Variants in RBFOX3 observed in about 807,000 individuals in gnomAD.
RBFOX3 encodes RNA binding fox-1 homolog 3.
A neutral mutation model predicts 48.7 loss-of-function variants in RBFOX3; 17 were observed. The observed-to-expected ratio is 0.35, with a 90% CI of 0.24 to 0.52. RBFOX3 has a LOEUF of 0.52. Ranked by LOEUF, RBFOX3 falls within the 20% of genes least tolerant of loss-of-function variation. The pLI, the probability that RBFOX3 is intolerant of heterozygous loss-of-function variation, is 0.94. For synonymous variants in RBFOX3, 212 were observed against 209.5 expected (o/e 1.01, Z -0.10); for missense variants, 382 against 497.5 (o/e 0.77, Z 2.21).
At chr17:79,384,202 G>A (rs1368828743) in intron 2 of RBFOX3, among the ~76,000 whole-genome samples, 1 of 152,188 alleles carries the variant, frequency 6.6e-6, no homozygotes, top group African/African-American at 2.4e-5. Context: ...GGGTTTCTGA[G>A]CCTCCAGGAC....
At chr17:79,620,641 A>G in the RBFOX3 span, among the ~76,000 whole-genome samples, 68 of 25,278 alleles carry the variant, frequency 2.7e-3, no homozygotes, top group Admixed American at 5.9e-3. Context: ...ACGCACACGC[A>G]CACACACGGA....
the RBFOX3 span, among the ~76,000 whole-genome samples, chr17:79,661,060 G>A: frequency 6.6e-6 from 1 of 152,184 alleles, no homozygotes; most frequent in African/African-American, 2.4e-5. Flanking sequence ...GTTCTTATAA[G>A]TAGGAGCTGA....
chr17:79,374,619 C>T (rs1021936035), intron 2 of RBFOX3, among the ~76,000 whole-genome samples: 1 of 152,240 alleles, frequency 6.6e-6, no homozygotes, highest in Admixed American at 6.5e-5. Context: ...GAGGTTGGCA[C>T]ACGCACGGCA....
At chr17:79,136,584 G>A (rs2143764536) in intron 4 of RBFOX3, among the ~76,000 whole-genome samples, 1 of 152,270 alleles carries the variant, frequency 6.6e-6, no homozygotes, top group East Asian at 1.9e-4. Context: ...AGGCACTGGG[G>A]CCCCTGGGTC....
chr17:79,141,821 CA>C lies in RBFOX3; in HGVS notation c.-33-26074del, dbSNP rs2041978540. Among the ~76,000 whole-genome samples, 5 of 152,286 alleles carry C rather than the reference CA, an allele frequency of 3.3e-5. No homozygotes were observed. In the South Asian group the frequency reaches 1.0e-3, roughly 32 times the overall value. ...CAGTGCCCCCCGGTCGCAAGCAAAA[CA>C]GACAGTGATGCCGAAAGTGAGCGTT... On this transcript the variant is annotated intron_variant, in intron 4 of 14. Transcript: ENST00000693108.
rs2059632346 is a variant in RBFOX3, at chr17:79,220,830, C to T, written c.-34+14936G>A. Among the ~76,000 whole-genome samples, 1 of 152,026 alleles carries T rather than the reference C, an allele frequency of 6.6e-6. No homozygotes were observed. The highest frequency in any genetic ancestry group is 1.5e-5 in the Non-Finnish European group (1 of 68,002). On this transcript the variant is annotated intron_variant, in intron 4 of 14. Transcript: ENST00000693108. This position sits in a 1 kb window ranked among gnomAD's most constrained non-coding sequence, Gnocchi z 5.9. ...GGAGGAGAAGCAGCTCCTGCAGAGG[C>T]GGGGCGGCTCTCCAGGCCTGGAGCG... is the stretch of plus-strand genomic sequence containing the variant.
chr17:79,126,456 G>A (rs537797651), intron 4 of RBFOX3, among the ~76,000 whole-genome samples: 6 of 151,686 alleles, frequency 4.0e-5, no homozygotes, highest in East Asian at 1.9e-4. Context: ...CTGGTGACCC[G>A]GGGGCTGACC....
intron 2 of RBFOX3, among the ~76,000 whole-genome samples, chr17:79,431,962 C>A (rs1405823087): frequency 6.6e-6 from 1 of 152,224 alleles, no homozygotes; most frequent in Non-Finnish European, 1.5e-5. Flanking sequence ...CCCAATCATT[C>A]TCTCTCAGGC....
intron 4 of RBFOX3, among the ~76,000 whole-genome samples, chr17:79,229,894 C>G (rs1332329503): frequency 6.6e-6 from 1 of 152,200 alleles, no homozygotes; most frequent in Non-Finnish European, 1.5e-5. Flanking sequence ...GCCTTTTGAA[C>G]AGGCCTGTTG....
intron 1 of RBFOX3, among the ~76,000 whole-genome samples, chr17:79,539,076 G>A (rs556942317): frequency 1.3e-5 from 2 of 152,224 alleles, no homozygotes; most frequent in Non-Finnish European, 2.9e-5. Context: ...ACGTGGTCAG[G>A]TGTGGTGGCT....
Position 79,485,714 on chromosome 17 carries a change from C to T in RBFOX3, c.-319-3116G>A, listed in dbSNP as rs915979111. On this transcript the variant is annotated intron_variant, in intron 1 of 14. Coordinates refer to ENST00000693108, the MANE Select transcript of RBFOX3 (RefSeq NM_001350451.2). ...GCCGCCGGCTTAGAAGATGGAGACA[C>T]GAGCGATCCACAGGCCGCCGAGTCC... Among the ~76,000 whole-genome samples the T allele has an allele frequency of 2.2e-4, 34 of 152,336 alleles. 1 individual carries two copies. Among genetic ancestry groups the T allele is most frequent in the African/African-American group, 6.5e-4 (27 of 41,586 alleles).
At chr17:79,387,172 G>T (rs945659482) in intron 2 of RBFOX3, among the ~76,000 whole-genome samples, 1 of 152,152 alleles carries the variant, frequency 6.6e-6, no homozygotes, top group Non-Finnish European at 1.5e-5. Context: ...CAAGCATGGG[G>T]TCTGGCCACA....
intron 2 of RBFOX3, among the ~76,000 whole-genome samples, chr17:79,431,776 C>T (rs868941148): frequency 1.3e-5 from 2 of 152,200 alleles, no homozygotes; most frequent in African/African-American, 2.4e-5. Flanking sequence ...TGAGCCACAG[C>T]GCCCGGCCCA....
chr17:79,470,576 C>G (rs1448015342), intron 2 of RBFOX3, among the ~76,000 whole-genome samples: 1 of 152,182 alleles, frequency 6.6e-6, no homozygotes, highest in Admixed American at 6.5e-5. Flanking sequence ...CTACCACGTG[C>G]TTCTCAAGCT....
At chr17:79,317,835 G>A (rs1007993971) in intron 2 of RBFOX3, among the ~76,000 whole-genome samples, 10 of 152,060 alleles carry the variant, frequency 6.6e-5, no homozygotes, top group South Asian at 4.2e-4. Context: ...GCCATCACTC[G>A]GCAGGCAAAG....
At chr17:79,511,121 G>T (rs950986696) in intron 1 of RBFOX3, among the ~76,000 whole-genome samples, 15 of 152,178 alleles carry the variant, frequency 9.9e-5, no homozygotes, top group Non-Finnish European at 1.6e-4. Context: ...AGGTCAAGCA[G>T]AACAACTGCT....
chr17:79,490,021 T>C (rs1242155093), intron 1 of RBFOX3, among the ~76,000 whole-genome samples: 5 of 152,198 alleles, frequency 3.3e-5, no homozygotes, highest in Admixed American at 3.3e-4. Context: ...ATAGGGAATA[T>C]ACAATATTCA....
rs1391084075 is a variant in RBFOX3, at chr17:79,195,497, C to G, written c.-34+40269G>C. Among the ~76,000 whole-genome samples the G allele has an allele frequency of 6.6e-6, 1 of 152,202 alleles. No homozygotes were observed. The highest frequency in any genetic ancestry group is 2.4e-5 in the African/African-American group (1 of 41,446). On this transcript the variant is annotated intron_variant, in intron 4 of 14. Transcript: ENST00000693108. This position sits in a 1 kb window ranked among gnomAD's most constrained non-coding sequence, Gnocchi z 5.3. The stretch of plus-strand genomic sequence containing the variant: ...ACGCAAGTCTGTGTGGGCAGGAAGC[C>G]TGCCCTGATCTCCCCATCCCAAAAC...
chr17:79,466,728 C>T (rs1392752380), intron 2 of RBFOX3, among the ~76,000 whole-genome samples: 4 of 152,304 alleles, frequency 2.6e-5, no homozygotes, highest in Non-Finnish European at 2.9e-5. Context: ...CGGCAGGCGC[C>T]GTTGCCAGCC....
Sources: gnomAD v4.1 joint callset for allele counts (sites outside exome capture counted in the v4.1 genomes callset) on GRCh38, gnomAD v4.1.1 for gene constraint, Gnocchi (gnomAD v3.1) non-coding constraint, MANE v1.5 for transcripts, NCBI Gene and HGNC (gene_info 2026-07-23, HGNC 2026-07-21) for gene names.